CPNE4: variants seen among roughly 807,000 people sequenced by gnomAD.
CPNE4 encodes copine-4.
In CPNE4, 25 loss-of-function variants were observed where a neutral mutation model predicts 67.9. The ratio of observed to expected loss-of-function variants is 0.37; its 90% CI spans 0.27 to 0.51. The LOEUF (loss-of-function observed/expected upper bound fraction) is 0.51. CPNE4 is among the 20% of genes least tolerant of loss of function. The probability of loss-of-function intolerance (pLI) is 0.93; values close to 1 mark genes in which losing one functional copy is unlikely to be tolerated. For synonymous variants in CPNE4, 242 were observed against 244.9 expected, an observed-to-expected ratio of 0.99 and a Z score of 0.11; for missense variants, 464 against 690.8, an observed-to-expected ratio of 0.67 and a Z score of 3.68.
At chr3:131,902,776 AAGGAGTTACTTTTTTATAATGT>A (rs953537491) in intron 2 of CPNE4, among the ~76,000 whole-genome samples, 1 of 152,128 alleles carries the variant, frequency 6.6e-6, no homozygotes, top group African/African-American at 2.4e-5. Flanking sequence ...TGTAATTTCC[AAGGAGTTACTTTTTTATAATGT>A]AGGCATTCCA....
At chr3:131,728,133 TGTG>T (rs2082042017) in intron 2 of CPNE4, among the ~76,000 whole-genome samples, 1 of 152,232 alleles carries the variant, frequency 6.6e-6, no homozygotes, top group African/African-American at 2.4e-5. Context: ...GGTCTCTCAT[TGTG>T]GTTTTAATTT....
chr3:131,877,085 G>C (rs1031926416), intron 2 of CPNE4, among the ~76,000 whole-genome samples: 12 of 151,146 alleles, frequency 7.9e-5, no homozygotes, highest in African/African-American at 2.9e-4. Context: ...CTAATGATTA[G>C]TTTTCCATCC....
intron 9 of CPNE4, among the ~76,000 whole-genome samples, chr3:131,578,308 G>T (rs1157949595): frequency 1.3e-5 from 2 of 152,134 alleles, no homozygotes; most frequent in East Asian, 3.9e-4. Flanking sequence ...GGGGTGCTAT[G>T]AACCAAGCCC....
chr3:131,944,917 G>A (rs1276283353), intron 1 of CPNE4, among the ~76,000 whole-genome samples: 1 of 152,092 alleles, frequency 6.6e-6, no homozygotes, highest in Non-Finnish European at 1.5e-5. Flanking sequence ...CCCCAGGGCT[G>A]GCAGATGTTT....
At chr3:131,952,404 C>A (rs866234749) in intron 1 of CPNE4, among the ~76,000 whole-genome samples, 2 of 149,164 alleles carry the variant, frequency 1.3e-5, no homozygotes, top group Admixed American at 6.7e-5. Context: ...CCTCTCCGCC[C>A]GGCAGCCACC....
chr3:131,549,947 C>T lies in CPNE4; in HGVS notation c.1302G>A (p.Ser434=), dbSNP rs1303493118. Residue 434 remains serine (S), a splice_region_variant and synonymous_variant, in exon 14 of 16, where the codon TCG becomes TCA. Coordinates refer to ENST00000429747, the MANE Select transcript of CPNE4 (RefSeq NM_130808.3). ...ASEETNTKEA[S]QYFILLILTD... ...AGGAGGCAAATAGCCCCCTCCTTAC[C>T]GATGCCTCCTTGGTGTTAGTTTCCT... The T allele has an allele frequency of 1.3e-5, 21 of 1,612,794 alleles. No individual in the cohort carries two copies. The highest frequency in any genetic ancestry group is 1.8e-5 in the Non-Finnish European group (21 of 1,179,200).
At chr3:131,691,393 G>T (rs1214635539) in intron 5 of CPNE4, among the ~76,000 whole-genome samples, 1 of 152,056 alleles carries the variant, frequency 6.6e-6, no homozygotes, top group Non-Finnish European at 1.5e-5. Context: ...AATGTTTTCT[G>T]TAACACCCTG....
At chr3:131,933,466 G>A (rs1012634215) in intron 1 of CPNE4, among the ~76,000 whole-genome samples, 58 of 152,154 alleles carry the variant, frequency 3.8e-4, no homozygotes, top group Non-Finnish European at 5.4e-4. Flanking sequence ...AAAATGGTAT[G>A]GAAGTTATTC....
chr3:131,890,081 CAA>C (rs1352129951), intron 2 of CPNE4, among the ~76,000 whole-genome samples: 3 of 151,954 alleles, frequency 2.0e-5, no homozygotes, highest in African/African-American at 7.3e-5. Flanking sequence ...CAAACATAGA[CAA>C]GTGAGATAGT....
At chr3:131,949,252 A>T (rs1019496586) in intron 1 of CPNE4, among the ~76,000 whole-genome samples, 1 of 152,220 alleles carries the variant, frequency 6.6e-6, no homozygotes, top group African/African-American at 2.4e-5. Context: ...TTATAAATCA[A>T]GATAAATAAG....
chr3:131,711,657 C>T (rs1332956390), intron 3 of CPNE4, among the ~76,000 whole-genome samples: 2 of 152,150 alleles, frequency 1.3e-5, no homozygotes, highest in African/African-American at 2.4e-5. Flanking sequence ...AATTCATACC[C>T]GGCCTCATTT....
intron 2 of CPNE4, among the ~76,000 whole-genome samples, chr3:131,867,522 G>A (rs112189911): frequency 0.11 from 11,437 of 105,960 alleles, 579 homozygotes; most frequent in East Asian, 0.2. Flanking sequence ...GAAGGCATGC[G>A]GGTGGGGGGT....
chr3:131,658,435 G>A (rs1039698359), intron 7 of CPNE4, among the ~76,000 whole-genome samples: 1 of 152,192 alleles, frequency 6.6e-6, no homozygotes, highest in Non-Finnish European at 1.5e-5. Context: ...TACTGGAAGT[G>A]TCCAAAAGTA....
chr3:131,877,778 C>G (rs970030974), intron 2 of CPNE4, among the ~76,000 whole-genome samples: 1 of 152,088 alleles, frequency 6.6e-6, no homozygotes, highest in Admixed American at 6.5e-5. Context: ...AGGTTGGGGA[C>G]ACATATACAA....
intron 1 of CPNE4, among the ~76,000 whole-genome samples, chr3:131,967,068 C>T (rs1243006690): frequency 6.6e-6 from 1 of 152,200 alleles, no homozygotes; most frequent in Non-Finnish European, 1.5e-5. Flanking sequence ...GCTGGTTCAA[C>T]ATACACAAAT....
At chr3:131,637,928 T>C (rs1378566943) in intron 7 of CPNE4, among the ~76,000 whole-genome samples, 2 of 152,110 alleles carry the variant, frequency 1.3e-5, no homozygotes, top group African/African-American at 4.8e-5. Context: ...TTGTATCCAA[T>C]GAAATTAAGC....
Position 132,034,961 on chromosome 3 carries a change from G to C in CPNE4, c.-396C>G. On this transcript the variant is annotated 5_prime_UTR_variant, in exon 1 of 16. Transcript: ENST00000429747. ...GAGGGTGGCAGAAAGAGAAGGGGACGAGCGGGTGGCGGGGAGATGGCAGCT... is the reference window on the plus strand; with the variant it reads ...GAGGGTGGCAGAAAGAGAAGGGGACCAGCGGGTGGCGGGGAGATGGCAGCT... 1 of 985,662 alleles carries C rather than the reference G, an allele frequency of 1.0e-6. No homozygotes were observed. Among genetic ancestry groups the C allele is most frequent in the South Asian group, 4.7e-5 (1 of 21,286 alleles). The allele number at this position is 985,662 out of a possible 1,614,324, so 61.1% of individuals were successfully genotyped here. A position where few individuals can be genotyped will look rare whatever the true frequency, so the allele number is the denominator to read the frequency against.
intron 7 of CPNE4, among the ~76,000 whole-genome samples, chr3:131,626,964 G>C (rs2079089055): frequency 6.6e-6 from 1 of 152,140 alleles, no homozygotes; most frequent in African/African-American, 2.4e-5. Flanking sequence ...GGAGACTGAG[G>C]TGGGTGGATC....
intron 1 of CPNE4, among the ~76,000 whole-genome samples, chr3:132,011,298 C>T (rs966015178): frequency 2.0e-5 from 3 of 152,210 alleles, no homozygotes; most frequent in African/African-American, 7.2e-5. Flanking sequence ...AGATTGACAA[C>T]CTCTTTGCAC....
Sources: gnomAD v4.1 joint callset for allele counts (sites outside exome capture counted in the v4.1 genomes callset) on GRCh38, gnomAD v4.1.1 for gene constraint, MANE v1.5 for transcripts, NCBI Gene and HGNC (gene_info 2026-07-23, HGNC 2026-07-21) for gene names.